Variants in CAMTA1 observed in about 807,000 individuals in gnomAD.
CAMTA1 encodes the protein calmodulin-binding transcription activator 1.
A neutral mutation model predicts 170.9 loss-of-function variants in CAMTA1; 27 were observed. The ratio of observed to expected loss-of-function variants is 0.16; its 90% CI spans 0.12 to 0.22. CAMTA1 has a LOEUF of 0.22. Ranked by LOEUF, CAMTA1 falls within the 10% of genes least tolerant of loss-of-function variation. The pLI, the probability that CAMTA1 is intolerant of heterozygous loss-of-function variation, is 1.00. For synonymous variants in CAMTA1, 833 were observed against 891.5 expected, an observed-to-expected ratio of 0.93 and a Z score of 1.17; for missense variants, 1,619 against 2,217.2, an observed-to-expected ratio of 0.73 and a Z score of 5.42.
chr1:7,265,385 C>G (rs1668766144), intron 5 of CAMTA1, among the ~76,000 whole-genome samples: 1 of 152,170 alleles, frequency 6.6e-6, no homozygotes, highest in Non-Finnish European at 1.5e-5. Flanking sequence ...ACTATCTCAG[C>G]TCACTGCAAC....
chr1:7,657,150 G>A (rs979551028), intron 7 of CAMTA1, among the ~76,000 whole-genome samples: 2 of 152,224 alleles, frequency 1.3e-5, no homozygotes, highest in African/African-American at 4.8e-5. Flanking sequence ...GCCTGCCCCT[G>A]TCTTGTGGAG....
chr1:6,887,656 T>C lies in CAMTA1; in HGVS notation c.234+62446T>C, dbSNP rs992937245. On this transcript the variant is annotated intron_variant, in intron 3 of 22. Coordinates refer to ENST00000303635, the MANE Select transcript of CAMTA1 (RefSeq NM_015215.4). The surrounding 1 kb of genome is among the most constrained non-coding windows in gnomAD (Gnocchi z 4.1). ...CATTTTACACCTATTTATTTCAGGC[T>C]CTCACCACACACTTGTTCATGGGCG... 3.9e-6 allele frequency: 6 copies of C among 1,535,192 alleles called. No individual in the cohort carries two copies. Among genetic ancestry groups the C allele is most frequent in the Non-Finnish European group, 3.5e-6 (4 of 1,146,576 alleles).
chr1:7,743,517 T>A (rs2096833220), intron 16 of CAMTA1, among the ~76,000 whole-genome samples: 1 of 152,112 alleles, frequency 6.6e-6, no homozygotes, highest in African/African-American at 2.4e-5. Flanking sequence ...ACTGATCTGA[T>A]TCTATCCCCA....
chr1:7,580,292 G>A lies in CAMTA1; in HGVS notation c.511-60108G>A, dbSNP rs2095248478. ...GGGGTTGTCCACATCTGGACCGTGG[G>A]AGCTGTTGGGGGGAATGGGGGCAGG... On this transcript the variant is annotated intron_variant, in intron 6 of 22. Transcript: ENST00000303635. The surrounding 1 kb of genome is among the most constrained non-coding windows in gnomAD (Gnocchi z 4.3). 6.6e-6 allele frequency among the ~76,000 whole-genome samples: 1 copy of A among 152,212 alleles called. No homozygotes were observed. Among genetic ancestry groups the A allele is most frequent in the Non-Finnish European group, 1.5e-5 (1 of 68,038 alleles).
chr1:7,182,263 G>A (rs1652326764), intron 4 of CAMTA1, among the ~76,000 whole-genome samples: 1 of 152,094 alleles, frequency 6.6e-6, no homozygotes, highest in African/African-American at 2.4e-5. Flanking sequence ...AGAAGTGGCT[G>A]GGCACAGTGG....
intron 3 of CAMTA1, among the ~76,000 whole-genome samples, chr1:6,848,570 G>A (rs192756956): frequency 2.6e-5 from 4 of 152,306 alleles, no homozygotes; most frequent in Non-Finnish European, 4.4e-5. Context: ...ATCCATCCCA[G>A]AGGTAGTAAC....
intron 3 of CAMTA1, among the ~76,000 whole-genome samples, chr1:6,949,095 A>G (rs748727520): frequency 2.6e-5 from 4 of 152,222 alleles, no homozygotes; most frequent in Non-Finnish European, 2.9e-5. Flanking sequence ...AAGTCTGACT[A>G]ATCCGGTCCT....
intron 3 of CAMTA1, among the ~76,000 whole-genome samples, chr1:6,894,456 G>A (rs970183994): frequency 1.3e-5 from 2 of 152,176 alleles, no homozygotes; most frequent in Admixed American, 1.3e-4. Flanking sequence ...ATAATTAAAA[G>A]ATTTGCTCAA....
At chr1:6,982,823 G>A (rs748419799) in intron 3 of CAMTA1, among the ~76,000 whole-genome samples, 3 of 152,032 alleles carry the variant, frequency 2.0e-5, no homozygotes, top group Non-Finnish European at 4.4e-5. Context: ...GTGGGGAGGG[G>A]TGGGGAGCAG....
intron 3 of CAMTA1, among the ~76,000 whole-genome samples, chr1:7,074,587 G>T (rs1413727254): frequency 6.6e-6 from 1 of 152,150 alleles, no homozygotes; most frequent in African/African-American, 2.4e-5. Context: ...CCTCAATGTT[G>T]TTAGTGTAAG....
chr1:7,356,529 G>C (rs1449033474), intron 5 of CAMTA1, among the ~76,000 whole-genome samples: 6 of 152,194 alleles, frequency 3.9e-5, no homozygotes, highest in Admixed American at 3.3e-4. Context: ...AGATGGTTCA[G>C]GGAAATTTGG....
chr1:7,744,121 C>T (rs1251652569), intron 16 of CAMTA1, among the ~76,000 whole-genome samples: 9 of 137,556 alleles, frequency 6.5e-5, no homozygotes, highest in Non-Finnish European at 1.1e-4. Context: ...GCCACTGCGC[C>T]TGGCCTCTTT....
intron 6 of CAMTA1, among the ~76,000 whole-genome samples, chr1:7,614,126 A>G (rs2095543217): frequency 6.6e-6 from 1 of 151,894 alleles, no homozygotes; most frequent in South Asian, 2.1e-4. Context: ...GAGTAGGAGG[A>G]GAGGAGATTT....
chr1:7,698,074 A>ACCCCCCCCCCCCCCCC (rs55893283), intron 11 of CAMTA1, among the ~76,000 whole-genome samples: 3 of 98,584 alleles, frequency 3.0e-5, no homozygotes, highest in Non-Finnish European at 6.5e-5. Flanking sequence ...ACGCACTGTG[A>ACCCCCCCCCCCCCCCC]CCCCCCCCCC....
At chr1:7,368,576 T>C (rs2086197968) in intron 5 of CAMTA1, among the ~76,000 whole-genome samples, 1 of 152,138 alleles carries the variant, frequency 6.6e-6, no homozygotes. Context: ...CCACCCCCAC[T>C]AGCACAGGAG....
chr1:6,919,068 T>C (rs1434748847), intron 3 of CAMTA1, among the ~76,000 whole-genome samples: 1 of 152,200 alleles, frequency 6.6e-6, no homozygotes, highest in Non-Finnish European at 1.5e-5. Context: ...GAAAACACTC[T>C]GTTTTTGGAA....
intron 5 of CAMTA1, among the ~76,000 whole-genome samples, chr1:7,408,876 C>A (rs1018250339): frequency 2.6e-5 from 4 of 152,214 alleles, no homozygotes; most frequent in Non-Finnish European, 4.4e-5. Context: ...CTCCCACTCA[C>A]ACACCTTCCT....
intron 4 of CAMTA1, among the ~76,000 whole-genome samples, chr1:7,215,429 T>A (rs2149094466): frequency 6.6e-6 from 1 of 152,392 alleles, no homozygotes; most frequent in East Asian, 1.9e-4. Context: ...AGTCTCACTC[T>A]GTCGCCCAGG....
intron 4 of CAMTA1, among the ~76,000 whole-genome samples, chr1:7,237,953 A>G (rs989419520): frequency 2.6e-5 from 4 of 152,248 alleles, no homozygotes; most frequent in Non-Finnish European, 5.9e-5. Flanking sequence ...CAGAGAGACC[A>G]AGTAATTTGT....
Sources: allele counts gnomAD v4.1 joint callset (sites outside exome capture counted in the v4.1 genomes callset), GRCh38; gene constraint gnomAD v4.1.1; non-coding constraint Gnocchi (gnomAD v3.1); transcripts MANE v1.5; gene names NCBI Gene and HGNC (gene_info 2026-07-23, HGNC 2026-07-21).